The following NAXD variants were observed in gnomAD, a reference collection of about 807,000 sequenced individuals.
The protein encoded by NAXD is NAD(P)HX dehydratase.
In NAXD, 22 loss-of-function variants were observed where a neutral mutation model predicts 35.8. That is an observed-to-expected ratio of 0.62 (90% CI 0.44 to 0.88). The LOEUF (loss-of-function observed/expected upper bound fraction) is 0.88, where lower values mean the gene tolerates loss of function less well. Ranked by LOEUF, NAXD falls within the 40% of genes least tolerant of loss-of-function variation. NAXD has a pLI of 0.00. For missense variants in NAXD, 428 were observed against 437.7 expected (o/e 0.98, Z 0.20); for synonymous variants, 189 against 177.6 (o/e 1.06, Z -0.51).
intron 4 of NAXD, among the ~76,000 whole-genome samples, 198 bp downstream of exon 4, chr13:110,625,476 T>G (rs1014983339): frequency 3.3e-5 from 5 of 151,538 alleles, no homozygotes; most frequent in South Asian, 2.1e-4. Flanking sequence ...GGTGGAGAGG[T>G]GGGTGGGGGA....
chr13:110,615,902 A>C, intron 1 of NAXD: 1 of 749,960 alleles, frequency 1.3e-6, no homozygotes, highest in Non-Finnish European at 1.8e-6. Flanking sequence ...GGCCTCCTGG[A>C]ACGGCGCGGC....
Position 110,634,835 on chromosome 13 carries a change from A to G in NAXD, c.597+59A>G, listed in dbSNP as rs1037368452. ...AGCCCTGTTCGTCCTGAAGAGGGTGAAGGACGAGCTCCATGCTTCTGCCCA... is the reference window on the plus strand; with the variant it reads ...AGCCCTGTTCGTCCTGAAGAGGGTGGAGGACGAGCTCCATGCTTCTGCCCA... On this transcript the variant is annotated intron_variant, in intron 7 of 9. Coordinates refer to ENST00000680254, the MANE Select transcript of NAXD (RefSeq NM_001242882.2). 3 of 1,274,882 alleles carry G rather than the reference A, an allele frequency of 2.4e-6. No homozygotes were observed. In the African/African-American group the frequency reaches 4.4e-5, roughly 19 times the overall value. 79.0% of individuals were successfully genotyped at this position (1,274,882 alleles called of 1,614,324 possible). A position where few individuals can be genotyped will look rare whatever the true frequency, so the allele number is the denominator to read the frequency against.
chr13:110,637,024 G>T (rs771785434), intron 8 of NAXD, 105 bp from the exon 9 acceptor site: 34 of 1,337,374 alleles, frequency 2.5e-5, no homozygotes, highest in Non-Finnish European at 3.2e-5. Flanking sequence ...GGCTGCTCCT[G>T]GAGGGTGTGG....
chr13:110,615,639 G>T lies in NAXD; in HGVS notation c.38G>T (p.Cys13Phe). ...LGPRCGAIRACRRVLERAFSL... is the reference protein window; with the variant it reads ...LGPRCGAIRAFRRVLERAFSL... Reference sequence around the variant, plus strand: ...CCTCGCTGTGGGGCAATCCGGGCTTGCAGACGAGGTAAGGTCGATTCCATT... The same window carrying T: ...CCTCGCTGTGGGGCAATCCGGGCTTTCAGACGAGGTAAGGTCGATTCCATT... The change falls in exon 1 of 10, where the codon TGC (cysteine) becomes TTC (phenylalanine). Residue 13 changes from cysteine to phenylalanine, a missense_variant. Cys to Phe is a radical substitution (Grantham distance 205). Transcript: ENST00000680254. 1.3e-6 allele frequency: 2 copies of T among 1,493,424 alleles called. No individual in the cohort carries two copies. The allele number at this position is 1,493,424 out of a possible 1,614,324, so 92.5% of individuals were successfully genotyped here.
intron 5 of NAXD, among the ~76,000 whole-genome samples, chr13:110,629,694 C>G (rs542358536): frequency 1.3e-5 from 2 of 152,172 alleles, no homozygotes; most frequent in South Asian, 4.1e-4. Flanking sequence ...CATACACCAC[C>G]TTTGGTTTAT....
At chr13:110,623,595 C>T (rs1457802642) in intron 2 of NAXD, among the ~76,000 whole-genome samples, 1 of 152,242 alleles carries the variant, frequency 6.6e-6, no homozygotes, top group African/African-American at 2.4e-5. Context: ...TTCTTCTCTC[C>T]AGGCAGAAGC....
chr13:110,632,389 C>T (rs1409643108), intron 5 of NAXD, among the ~76,000 whole-genome samples: 1 of 152,148 alleles, frequency 6.6e-6, no homozygotes, highest in African/African-American at 2.4e-5. Context: ...ACAAAGTTTC[C>T]ACAGCGTGGA....
At position 110,634,708 on chromosome 13, in the gene NAXD, A is replaced by G. The variant is rs1170552558; in HGVS notation, c.529A>G (p.Ile177Val). 3 of 1,614,018 alleles carry G rather than the reference A, an allele frequency of 1.9e-6. No individual in the cohort carries two copies. The highest frequency in any genetic ancestry group is 2.5e-6 in the Non-Finnish European group (3 of 1,180,030). The change falls in exon 7 of 10, where the codon ATC (isoleucine) becomes GTC (valine). Residue 177 changes from isoleucine (I) to valine (V), a missense_variant. Physicochemically the swap from Ile to Val is conservative, Grantham distance 29. Transcript: ENST00000680254. ...LWLVAQQPAL[I>V]HGYRKAVLTP... ...GCTGGTCGCTCAGCAGCCGGCCCTC[A>G]TCCATGGCTACCGGAAGGCTGTGCT...
At chr13:110,627,050 G>A (rs183708844) in intron 4 of NAXD, among the ~76,000 whole-genome samples, 2 of 152,364 alleles carry the variant, frequency 1.3e-5, no homozygotes, top group Non-Finnish European at 2.9e-5. Context: ...AGCTAGGCAT[G>A]TAAATCTGGG....
chr13:110,623,649 C>T (rs1207582052), intron 2 of NAXD, among the ~76,000 whole-genome samples: 1 of 152,232 alleles, frequency 6.6e-6, no homozygotes, highest in Non-Finnish European at 1.5e-5. Flanking sequence ...TGCAGGGAGA[C>T]TGCAGGCATT....
At chr13:110,630,543 GTCCAAT>G (rs1349318148) in intron 5 of NAXD, among the ~76,000 whole-genome samples, 1 of 152,168 alleles carries the variant, frequency 6.6e-6, no homozygotes, top group Non-Finnish European at 1.5e-5. Context: ...TAATTTTGAA[GTCCAAT>G]TTAGCTGTTT....
At chr13:110,620,151 C>T (rs1049847773) in intron 1 of NAXD, among the ~76,000 whole-genome samples, 2 of 152,058 alleles carry the variant, frequency 1.3e-5, no homozygotes, top group African/African-American at 4.8e-5. Flanking sequence ...TAATTTAGCC[C>T]TCCTGGAGGG....
chr13:110,622,480 C>A, intron 2 of NAXD, 114 bp downstream of exon 2: 1 of 993,962 alleles, frequency 1.0e-6, no homozygotes, highest in Non-Finnish European at 1.5e-6. Context: ...CCAAATGCAG[C>A]CTGATAGGAC....
At chr13:110,632,940 C>T (rs60690859) in intron 5 of NAXD, among the ~76,000 whole-genome samples, 6,952 of 150,848 alleles carry the variant, frequency 0.046, 300 homozygotes, top group African/African-American at 0.13. Flanking sequence ...CACATCCCCA[C>T]CAGACTCAGG....
Position 110,635,569 on chromosome 13 carries a change from C to T in NAXD, c.699C>T (p.Ile233=), listed in dbSNP as rs760121564. Residue 233 remains isoleucine, a synonymous_variant, in exon 8 of 10, where the codon ATC becomes ATT. Coordinates refer to ENST00000680254, the MANE Select transcript of NAXD (RefSeq NM_001242882.2). ...TGGTCCAGAAAGGAGAGCGCGACAT[C>T]CTCTCCAACGGCCAGCAGGGTGAGT... The part of the protein sequence containing the change: ...VTVVQKGERD[I]LSNGQQVLVC... 3 of 1,614,102 alleles carry T rather than the reference C, an allele frequency of 1.9e-6. No homozygotes were observed. The highest frequency in any genetic ancestry group is 2.5e-6 in the Non-Finnish European group (3 of 1,180,022).
At chr13:110,637,622 A>G (rs1201523896) in intron 9 of NAXD, among the ~76,000 whole-genome samples, 2 of 152,248 alleles carry the variant, frequency 1.3e-5, no homozygotes, top group Non-Finnish European at 2.9e-5. Flanking sequence ...CTTGTTCTTA[A>G]AGATGTGAAT....
intron 5 of NAXD, among the ~76,000 whole-genome samples, chr13:110,633,142 G>T (rs1251665304): frequency 2.0e-5 from 3 of 152,216 alleles, no homozygotes; most frequent in Admixed American, 6.5e-5. Context: ...GGAGGCTCAG[G>T]CATGGCGGGC....
chr13:110,625,167 G>C (rs112260375), intron 3 of NAXD, 23 bp from the exon 4 acceptor site: 1 of 1,591,882 alleles, frequency 6.3e-7, no homozygotes, highest in Non-Finnish European at 8.6e-7. Flanking sequence ...TCCCTGAGTC[G>C]GCCTCTTGTG....
intron 1 of NAXD, 94 bp from the exon 2 acceptor site, chr13:110,622,122 A>G (rs911336343): frequency 9.9e-7 from 1 of 1,008,410 alleles, no homozygotes; most frequent in Non-Finnish European, 1.4e-6. Context: ...TAGCATTCGT[A>G]ATAACTTTGG....
Sources: allele counts gnomAD v4.1 joint callset (sites outside exome capture counted in the v4.1 genomes callset), GRCh38; gene constraint gnomAD v4.1.1; transcripts MANE v1.5; gene names NCBI Gene and HGNC (gene_info 2026-07-23, HGNC 2026-07-21).